PROM1: variants seen among roughly 807,000 people sequenced by gnomAD.
The protein encoded by PROM1 is prominin-1.
Under a neutral mutation model 116.9 loss-of-function variants are expected in PROM1, and 105 were observed. That is an observed-to-expected ratio of 0.90 (90% CI 0.77 to 1.06). The LOEUF is 1.06. PROM1 is among the 50% of genes least tolerant of loss of function. The pLI is 0.00. For synonymous variants in PROM1, 393 were observed against 387.0 expected (o/e 1.02, Z -0.18); for missense variants, 1,122 against 1,045.2 (o/e 1.07, Z -1.01).
chr4:16,048,731 A>C (rs1417340147), intron 2 of PROM1, among the ~76,000 whole-genome samples: 1 of 152,168 alleles, frequency 6.6e-6, no homozygotes, highest in African/African-American at 2.4e-5. Flanking sequence ...CTCTGCAAGT[A>C]AGGAGCTCAG....
intron 23 of PROM1, among the ~76,000 whole-genome samples, chr4:15,981,213 G>A (rs866866289): frequency 2.1e-4 from 31 of 150,078 alleles, no homozygotes; most frequent in Middle Eastern, 3.4e-3. Context: ...TGCCCACCTC[G>A]GCCTCCCAAA....
At chr4:16,002,924 A>G (rs1724236095) in intron 13 of PROM1, among the ~76,000 whole-genome samples, 1 of 152,208 alleles carries the variant, frequency 6.6e-6, no homozygotes, top group Admixed American at 6.5e-5. Context: ...AAATATTGAA[A>G]AGGAGGAAGA....
At chr4:16,071,430 T>C (rs988057025) in intron 2 of PROM1, among the ~76,000 whole-genome samples, 2 of 152,210 alleles carry the variant, frequency 1.3e-5, no homozygotes, top group Admixed American at 1.3e-4. Context: ...CTCTGTCACG[T>C]CCTGAATATC....
In PROM1 at chr4:15,985,800, A is replaced by G. The variant is rs1367243558; in HGVS notation, c.2240T>C (p.Ile747Thr). ...CTGCAGATAATGTTCAAAATATCCT[A>G]TTATTGTTCTCCCATACTTCTTAGT... is the stretch of plus-strand genomic sequence containing the variant. ...EETKKYGRTI[I>T]GYFEHYLQWI... The change falls in exon 22 of 28, where the codon ATA becomes ACA. Residue 747 changes from isoleucine to threonine, a missense_variant. Ile to Thr is a moderately conservative substitution (Grantham distance 89). Coordinates refer to ENST00000447510, the MANE Select transcript of PROM1 (RefSeq NM_006017.3). The G allele has an allele frequency of 1.3e-6, 2 of 1,577,512 alleles. No homozygotes were observed. Among genetic ancestry groups the G allele is most frequent in the Non-Finnish European group, 1.7e-6 (2 of 1,150,516 alleles).
intron 2 of PROM1, among the ~76,000 whole-genome samples, chr4:16,060,733 A>C (rs1025345562): frequency 4.6e-5 from 7 of 152,206 alleles, no homozygotes; most frequent in Non-Finnish European, 1.0e-4. Context: ...AGAGTGAAGT[A>C]GGGTTATTTT....
intron 8 of PROM1, among the ~76,000 whole-genome samples, chr4:16,022,768 T>C (rs1287215335): frequency 6.6e-6 from 1 of 152,230 alleles, no homozygotes; most frequent in Non-Finnish European, 1.5e-5. Flanking sequence ...AGTATATCTG[T>C]CACTTATACC....
intron 2 of PROM1, among the ~76,000 whole-genome samples, chr4:16,057,190 A>C (rs1739252036): frequency 6.6e-6 from 1 of 152,174 alleles, no homozygotes; most frequent in Admixed American, 6.5e-5. Flanking sequence ...TTGTACACAG[A>C]TCTGGCACAT....
At chr4:16,075,515 C>A (rs1355398057) in intron 2 of PROM1, among the ~76,000 whole-genome samples, 172 bp downstream of exon 2, 1 of 152,188 alleles carries the variant, frequency 6.6e-6, no homozygotes, top group Non-Finnish European at 1.5e-5. Flanking sequence ...TCCTCGCAAC[C>A]TATGTAACCT....
intron 26 of PROM1, among the ~76,000 whole-genome samples, chr4:15,973,267 T>A (rs1715118209): frequency 6.6e-6 from 1 of 152,158 alleles, no homozygotes; most frequent in South Asian, 2.1e-4. Flanking sequence ...GCCAATATAG[T>A]GAAACTCCAT....
At chr4:15,979,589 A>C in intron 25 of PROM1, 126 bp from the exon 26 acceptor site, 1 of 1,374,560 alleles carries the variant, frequency 7.3e-7, no homozygotes, top group East Asian at 2.6e-5. Context: ...TCTAAAAAAA[A>C]GACAAATGAG....
At chr4:16,042,275 T>G (rs1292475730) in intron 2 of PROM1, among the ~76,000 whole-genome samples, 2 of 152,240 alleles carry the variant, frequency 1.3e-5, no homozygotes, top group African/African-American at 4.8e-5. Context: ...ACTTATGCCT[T>G]TCTAACGTGA....
chr4:15,988,153 G>C (rs1400630942), intron 19 of PROM1, among the ~76,000 whole-genome samples: 1 of 152,144 alleles, frequency 6.6e-6, no homozygotes, highest in Non-Finnish European at 1.5e-5. Context: ...TGGGATTACA[G>C]GTGTGAGCCA....
chr4:16,034,857 G>A (rs1445121268), intron 4 of PROM1, among the ~76,000 whole-genome samples: 1 of 152,136 alleles, frequency 6.6e-6, no homozygotes, highest in Admixed American at 6.5e-5. Flanking sequence ...TAAAGTGGAT[G>A]GTGTCACATT....
chr4:16,025,161 C>A (rs1730922107), intron 6 of PROM1, 31 bp downstream of exon 6: 2 of 1,599,166 alleles, frequency 1.3e-6, no homozygotes, highest in South Asian at 1.1e-5. Flanking sequence ...AAATATAAAG[C>A]ATCGCGGTAC....
At chr4:15,976,347 G>A (rs144484120) in intron 26 of PROM1, among the ~76,000 whole-genome samples, 55 of 152,336 alleles carry the variant, frequency 3.6e-4, no homozygotes, top group Admixed American at 3.1e-3. Flanking sequence ...CAAGTCTTAT[G>A]CTGTTCCAGC....
At chr4:16,037,693 C>G (rs1187803148) in intron 3 of PROM1, among the ~76,000 whole-genome samples, 1 of 152,118 alleles carries the variant, frequency 6.6e-6, no homozygotes. Context: ...CTTTACTTAC[C>G]GAGAAGGACT....
chr4:16,018,005 C>A (rs1359322624), intron 9 of PROM1, among the ~76,000 whole-genome samples: 2 of 58,098 alleles, frequency 3.4e-5, no homozygotes, highest in Non-Finnish European at 7.6e-5. Flanking sequence ...AGACTAGGCA[C>A]ATATTTAAAA....
chr4:15,992,510 T>G, intron 16 of PROM1, 119 bp from the exon 17 acceptor site: 1 of 1,093,684 alleles, frequency 9.1e-7, no homozygotes. Context: ...CCTAGCACTT[T>G]GGGAGGCTGA....
At chr4:16,071,700 C>G (rs1422024428) in intron 2 of PROM1, among the ~76,000 whole-genome samples, 2 of 152,216 alleles carry the variant, frequency 1.3e-5, no homozygotes, top group African/African-American at 4.8e-5. Context: ...CTTCCCTAGA[C>G]AGCAAATCTG....
Sources: gnomAD v4.1 joint callset for allele counts (sites outside exome capture counted in the v4.1 genomes callset) on GRCh38, gnomAD v4.1.1 for gene constraint, MANE v1.5 for transcripts, NCBI Gene and HGNC (gene_info 2026-07-23, HGNC 2026-07-21) for gene names.